The following SYNPR variants were observed in gnomAD, a reference collection of about 807,000 sequenced individuals.
The protein encoded by SYNPR is synaptoporin.
SYNPR carries 23 observed loss-of-function variants against 32.9 expected under a neutral mutation model. The observed-to-expected ratio is 0.70, with a 90% CI of 0.50 to 0.99. The LOEUF (loss-of-function observed/expected upper bound fraction) is 0.99, where lower values mean the gene tolerates loss of function less well. SYNPR is among the 50% of genes least tolerant of loss of function. The pLI is 0.00. For missense variants in SYNPR, 318 were observed against 349.3 expected (o/e 0.91, Z 0.71); for synonymous variants, 146 against 135.9 (o/e 1.07, Z -0.52).
At chr3:63,608,517 T>A (rs960830132) in intron 4 of SYNPR, among the ~76,000 whole-genome samples, 5 of 152,324 alleles carry the variant, frequency 3.3e-5, no homozygotes, top group Non-Finnish European at 4.4e-5. Flanking sequence ...GTCTTCCACA[T>A]AACATAGTTC....
intron 2 of SYNPR, among the ~76,000 whole-genome samples, chr3:63,369,222 A>T (rs1308900314): frequency 1.3e-5 from 2 of 152,170 alleles, no homozygotes; most frequent in Non-Finnish European, 2.9e-5. Flanking sequence ...GGCTGTCTGC[A>T]AGCTAAGGAC....
intron 1 of SYNPR, among the ~76,000 whole-genome samples, chr3:63,228,958 G>GA (rs1230073805): frequency 2.7e-5 from 4 of 150,622 alleles, no homozygotes; most frequent in African/African-American, 7.4e-5. Flanking sequence ...CAAACAAACA[G>GA]AAAAAAACAT....
chr3:63,530,240 T>C (rs997294705), intron 3 of SYNPR, among the ~76,000 whole-genome samples: 8 of 152,172 alleles, frequency 5.3e-5, no homozygotes, highest in African/African-American at 1.9e-4. Flanking sequence ...GCCCAGCAAA[T>C]TACGCAGCCT....
rs1559546350 is a variant in SYNPR at position 63,595,805 on chromosome 3, A to ATATATATATAGTTTTATATATATATAGT, written c.409-13281_409-13254dup. 7.8e-4 allele frequency among the ~76,000 whole-genome samples: 53 copies of ATATATATATAGTTTTATATATATATAGT among 67,878 alleles called. 3 individuals are homozygous for ATATATATATAGTTTTATATATATATAGT. Among genetic ancestry groups the ATATATATATAGTTTTATATATATATAGT allele is most frequent in the South Asian group, 1.3e-3 (3 of 2,282 alleles). The allele number at this position is 67,878 out of a possible 152,430, so 44.5% of individuals were successfully genotyped here. A position where few individuals can be genotyped will look rare whatever the true frequency, so the allele number is the denominator to read the frequency against. ...TATATAGTTATATATATATAGTTAT[A>ATATATATATAGTTTTATATATATATAGT]TATATATATAGTTTTATATATATAT... is the stretch of plus-strand genomic sequence containing the variant. On this transcript the variant is annotated intron_variant, in intron 4 of 5. Transcript: ENST00000478300.
chr3:63,262,190 C>T (rs1575579475), intron 2 of SYNPR, among the ~76,000 whole-genome samples: 2 of 152,010 alleles, frequency 1.3e-5, no homozygotes, highest in African/African-American at 2.4e-5. Flanking sequence ...TACATGCCAC[C>T]GCTGAATTGG....
the SYNPR span, among the ~76,000 whole-genome samples, chr3:63,205,702 T>C: frequency 3.3e-5 from 5 of 152,242 alleles, no homozygotes; most frequent in Non-Finnish European, 7.3e-5. Flanking sequence ...TGAGAATAAC[T>C]GAGCTCTGTT....
rs964399418 is a variant in SYNPR, at chr3:63,471,839, A to C, written c.85-8993A>C. On this transcript the variant is annotated intron_variant, in intron 2 of 5. Transcript: ENST00000478300. ...GGAGGGGGAGGCTCTGGGCCTCTTT[A>C]ACCTATGAGCTGTTGAATTGTGAAG... 2.9e-4 allele frequency among the ~76,000 whole-genome samples: 44 copies of C among 152,170 alleles called. 1 individual carries two copies. The highest frequency in any genetic ancestry group is 1.2e-4 in the African/African-American group (5 of 41,442).
chr3:63,273,506 G>C (rs142655456), upstream of SYNPR, among the ~76,000 whole-genome samples: 15 of 152,100 alleles, frequency 9.9e-5, no homozygotes, highest in African/African-American at 3.1e-4. Flanking sequence ...AATTACTGTT[G>C]CTATTATTAT....
At chr3:63,378,132 A>C (rs2087917945) in intron 2 of SYNPR, among the ~76,000 whole-genome samples, 1 of 151,944 alleles carries the variant, frequency 6.6e-6, no homozygotes, top group South Asian at 2.1e-4. Context: ...GCTATAAACT[A>C]CACAAATGCT....
intron 2 of SYNPR, among the ~76,000 whole-genome samples, chr3:63,375,175 G>A (rs1160276866): frequency 1.3e-5 from 2 of 152,098 alleles, no homozygotes; most frequent in African/African-American, 2.4e-5. Flanking sequence ...ATTCCTCAAG[G>A]ATCTAGAACT....
At chr3:63,501,002 G>C (rs1000396436) in intron 3 of SYNPR, among the ~76,000 whole-genome samples, 1 of 151,984 alleles carries the variant, frequency 6.6e-6, no homozygotes, top group Non-Finnish European at 1.5e-5. Flanking sequence ...AGTTTTCTGT[G>C]ACATTGAATG....
chr3:63,518,093 A>G (rs1420860059), intron 3 of SYNPR, among the ~76,000 whole-genome samples: 2 of 152,162 alleles, frequency 1.3e-5, no homozygotes, highest in African/African-American at 4.8e-5. Context: ...TACAGATTAT[A>G]TGACCATACA....
intron 2 of SYNPR, among the ~76,000 whole-genome samples, chr3:63,259,657 C>T (rs2086420428): frequency 6.6e-6 from 1 of 152,158 alleles, no homozygotes; most frequent in African/African-American, 2.4e-5. Flanking sequence ...CCTTTGAAAA[C>T]TGGTACAAGA....
chr3:63,229,278 G>A lies in SYNPR; in HGVS notation n.66+898G>A, dbSNP rs1221835630. ...AGCATCTGATGTACACACACATCCT[G>A]TGTGTTAAATGAGAGCAATTCACAT... On this transcript the variant is annotated intron_variant and non_coding_transcript_variant, in intron 1 of 4. Transcript: ENST00000478456. Among the ~76,000 whole-genome samples, 4 of 152,016 alleles carry A rather than the reference G, an allele frequency of 2.6e-5. No homozygotes were observed. The East Asian group carries it at 5.8e-4, about 22-fold the overall frequency.
intron 4 of SYNPR, among the ~76,000 whole-genome samples, chr3:63,602,211 ATTTG>A (rs1302377401): frequency 1.3e-5 from 2 of 151,794 alleles, no homozygotes; most frequent in Non-Finnish European, 2.9e-5. Context: ...TTGATTGTTG[ATTTG>A]TTTAAGTTCC....
At chr3:63,246,765 G>T (rs2086294008) in intron 1 of SYNPR, among the ~76,000 whole-genome samples, 1 of 152,026 alleles carries the variant, frequency 6.6e-6, no homozygotes, top group Non-Finnish European at 1.5e-5. Flanking sequence ...GCCTCAGGAT[G>T]TCACAGTAGT....
At chr3:63,224,349 C>A (rs1203279352), upstream of SYNPR, among the ~76,000 whole-genome samples, 2 of 152,170 alleles carry the variant, frequency 1.3e-5, no homozygotes, top group Admixed American at 6.5e-5. Context: ...TATTCCAAAG[C>A]CATCCACCCC....
intron 2 of SYNPR, among the ~76,000 whole-genome samples, chr3:63,348,380 G>A (rs929847176): frequency 6.6e-6 from 1 of 151,722 alleles, no homozygotes; most frequent in African/African-American, 2.4e-5. Flanking sequence ...GGGGTTATTT[G>A]TTGTTGTTTT....
chr3:63,494,506 CATATATACATATATACAT>C (rs147175733), intron 3 of SYNPR, among the ~76,000 whole-genome samples: 27,490 of 100,806 alleles, frequency 0.27, 5,507 homozygotes, highest in African/African-American at 0.33. Flanking sequence ...TACATATATA[CATATATACATATATACAT>C]ATATATATAT....
Sources: gnomAD v4.1 joint callset for allele counts (sites outside exome capture counted in the v4.1 genomes callset) on GRCh38, gnomAD v4.1.1 for gene constraint, MANE v1.5 for transcripts, NCBI Gene and HGNC (gene_info 2026-07-23, HGNC 2026-07-21) for gene names.